CTNNA2: variants seen among roughly 807,000 people sequenced by gnomAD.
CTNNA2 encodes catenin alpha-2.
A neutral mutation model predicts 101.0 loss-of-function variants in CTNNA2; 42 were observed. The ratio of observed to expected loss-of-function variants is 0.42; its 90% CI spans 0.32 to 0.54. The LOEUF is 0.54. Among genes scored for constraint, CTNNA2 ranks in the 20% least tolerant of loss-of-function variants. The pLI is 0.14. For synonymous variants in CTNNA2, 450 were observed against 456.4 expected, an observed-to-expected ratio of 0.99 and a Z score of 0.18; for missense variants, 871 against 1,223.1, an observed-to-expected ratio of 0.71 and a Z score of 4.29.
intron 3 of CTNNA2, among the ~76,000 whole-genome samples, chr2:79,814,149 C>T (rs1340484018): frequency 6.6e-6 from 1 of 152,168 alleles, no homozygotes; most frequent in Non-Finnish European, 1.5e-5. Flanking sequence ...TACATGAGTG[C>T]TCCCCCAACT....
chr2:79,298,349 T>C (rs781538415), intron 2 of CTNNA2, among the ~76,000 whole-genome samples: 66 of 152,130 alleles, frequency 4.3e-4, no homozygotes, highest in Non-Finnish European at 7.5e-4. Context: ...AAGCCACTTA[T>C]GAGGAATCAG....
chr2:79,698,942 A>G (rs942347214), intron 2 of CTNNA2, among the ~76,000 whole-genome samples: 3 of 152,102 alleles, frequency 2.0e-5, no homozygotes, highest in African/African-American at 7.2e-5. Flanking sequence ...AAGTTTATCA[A>G]AAGTGAGTAG....
At chr2:79,976,348 T>C (rs1690840150) in intron 7 of CTNNA2, among the ~76,000 whole-genome samples, 1 of 152,298 alleles carries the variant, frequency 6.6e-6, no homozygotes, top group East Asian at 1.9e-4. Flanking sequence ...TAAGACACCA[T>C]ACCCTGGAGT....
intron 1 of CTNNA2, among the ~76,000 whole-genome samples, chr2:79,561,598 G>GT (rs1399415849): frequency 2.0e-5 from 3 of 151,608 alleles, no homozygotes; most frequent in East Asian, 1.9e-4. Context: ...AATTCTTGTT[G>GT]TTTTTTTATC....
chr2:79,310,913 T>C (rs903946215), intron 2 of CTNNA2, among the ~76,000 whole-genome samples: 1 of 152,226 alleles, frequency 6.6e-6, no homozygotes, highest in Non-Finnish European at 1.5e-5. Flanking sequence ...AGAGTGGCCA[T>C]CTGTGCTCAG....
intron 7 of CTNNA2, among the ~76,000 whole-genome samples, chr2:80,114,292 T>A (rs1484892676): frequency 6.6e-6 from 1 of 152,330 alleles, no homozygotes; most frequent in East Asian, 1.9e-4. Flanking sequence ...GATTTCAGGA[T>A]ATCAAATCCA....
intron 1 of CTNNA2, among the ~76,000 whole-genome samples, chr2:79,558,604 C>T (rs955089682): frequency 6.6e-6 from 1 of 151,740 alleles, no homozygotes; most frequent in Admixed American, 6.6e-5. Context: ...CTCAGAAAAC[C>T]AATTTTCTGT....
At chr2:80,602,889 C>T (rs909570410) in intron 15 of CTNNA2, among the ~76,000 whole-genome samples, 12 of 152,104 alleles carry the variant, frequency 7.9e-5, no homozygotes, top group South Asian at 4.1e-4. Flanking sequence ...CTTATACTGA[C>T]TAATGTAGAA....
chr2:80,506,759 G>T (rs989151213), intron 9 of CTNNA2, among the ~76,000 whole-genome samples: 2 of 152,174 alleles, frequency 1.3e-5, no homozygotes, highest in Non-Finnish European at 2.9e-5. Context: ...CAGGTCTAGC[G>T]TGGGAGGGAT....
At chr2:80,484,919 T>C (rs568884759) in intron 9 of CTNNA2, among the ~76,000 whole-genome samples, 216 of 152,190 alleles carry the variant, frequency 1.4e-3, no homozygotes, top group Non-Finnish European at 2.7e-3. Context: ...GGCAGGAGAA[T>C]GGCGTGAACC....
chr2:79,380,586 G>A (rs1029352250), intron 4 of CTNNA2, among the ~76,000 whole-genome samples: 3 of 152,000 alleles, frequency 2.0e-5, no homozygotes, highest in Admixed American at 6.6e-5. Context: ...CCCTTCCATC[G>A]GAGATTTTAT....
In CTNNA2 at chr2:80,065,178, C is replaced by G. The variant is rs562295052; in HGVS notation, c.1056+155381C>G. Among the ~76,000 whole-genome samples, 3 of 152,000 alleles carry G rather than the reference C, an allele frequency of 2.0e-5. No individual in the cohort carries two copies. The South Asian group carries it at 6.2e-4, about 32-fold the overall frequency. On this transcript the variant is annotated intron_variant, in intron 7 of 18. Transcript: ENST00000402739. ...AAAACTATAGCCCTGTTAATGTTATCTGCCTTGAATTACTTGTCAGAAAAA... is the reference window on the plus strand; with the variant it reads ...AAAACTATAGCCCTGTTAATGTTATGTGCCTTGAATTACTTGTCAGAAAAA...
chr2:79,388,109 G>A (rs1166652337), intron 4 of CTNNA2, among the ~76,000 whole-genome samples: 1 of 152,154 alleles, frequency 6.6e-6, no homozygotes, highest in Non-Finnish European at 1.5e-5. Flanking sequence ...TATAATTGAG[G>A]AGATATTTCT....
intron 7 of CTNNA2, among the ~76,000 whole-genome samples, chr2:80,292,389 C>T (rs1279776517): frequency 6.6e-6 from 1 of 152,078 alleles, no homozygotes; most frequent in Non-Finnish European, 1.5e-5. Context: ...ACACATCCTA[C>T]CATGGTAAGT....
At chr2:79,607,086 A>G (rs532106679) in intron 1 of CTNNA2, among the ~76,000 whole-genome samples, 2 of 152,292 alleles carry the variant, frequency 1.3e-5, no homozygotes, top group East Asian at 3.9e-4. Context: ...AAGGATGGAA[A>G]AAAGATATAC....
chr2:79,658,147 A>T (rs1681753295), intron 2 of CTNNA2, among the ~76,000 whole-genome samples: 1 of 151,998 alleles, frequency 6.6e-6, no homozygotes, highest in Admixed American at 6.6e-5. Flanking sequence ...TTGATGTTTT[A>T]ATTTCATTTG....
At chr2:79,657,955 T>C (rs1328501247) in intron 2 of CTNNA2, among the ~76,000 whole-genome samples, 11 of 151,846 alleles carry the variant, frequency 7.2e-5, no homozygotes. Context: ...TAAAGCCCTC[T>C]TTGGGATATA....
intron 9 of CTNNA2, among the ~76,000 whole-genome samples, chr2:80,426,277 G>A (rs558364818): frequency 1.3e-5 from 2 of 152,274 alleles, no homozygotes; most frequent in Admixed American, 1.3e-4. Flanking sequence ...GTCAGGGCTG[G>A]GGTGGAGTGG....
intron 4 of CTNNA2, among the ~76,000 whole-genome samples, chr2:79,416,097 A>T (rs946778876): frequency 4.6e-5 from 7 of 152,118 alleles, no homozygotes; most frequent in African/African-American, 1.7e-4. Flanking sequence ...CTCCTAGATT[A>T]TTTCAGCGTT....
Sources: gnomAD v4.1 joint callset for allele counts (sites outside exome capture counted in the v4.1 genomes callset) on GRCh38, gnomAD v4.1.1 for gene constraint, MANE v1.5 for transcripts, NCBI Gene and HGNC (gene_info 2026-07-23, HGNC 2026-07-21) for gene names.